Variants in WWOX observed in about 807,000 individuals in gnomAD.
The protein encoded by WWOX is WW domain-containing oxidoreductase.
WWOX carries 69 observed loss-of-function variants against 46.2 expected under a neutral mutation model. That is an observed-to-expected ratio of 1.49 (90% CI 1.23 to 1.82). The LOEUF (loss-of-function observed/expected upper bound fraction) is 1.82. WWOX is among the 40% of genes most tolerant of loss of function. WWOX has a pLI of 0.00. For synonymous variants in WWOX, 359 were observed against 202.6 expected, an observed-to-expected ratio of 1.77 and a Z score of -6.56; for missense variants, 919 against 542.6, an observed-to-expected ratio of 1.69 and a Z score of -6.89.
rs370326951 is a variant in WWOX, at chr16:78,645,367, C to G, written c.1056+212615C>G. 1.6e-4 allele frequency among the ~76,000 whole-genome samples: 24 copies of G among 152,258 alleles called. No homozygotes were observed. In the South Asian group the frequency reaches 3.9e-3, roughly 25 times the overall value. On this transcript the variant is annotated intron_variant, in intron 8 of 8. Coordinates refer to ENST00000566780, the MANE Select transcript of WWOX (RefSeq NM_016373.4). ...GGCTTACATACCATGAATGTCTTCT[C>G]TTACCATTCTGGAGGTCAAAAGTCC...
chr16:78,791,630 C>T (rs1223171168), intron 8 of WWOX, among the ~76,000 whole-genome samples: 10 of 152,084 alleles, frequency 6.6e-5, no homozygotes, highest in Non-Finnish European at 1.5e-5. Flanking sequence ...GTAATCCCAG[C>T]ACTTTGGGAT....
intron 8 of WWOX, among the ~76,000 whole-genome samples, chr16:78,647,273 T>C (rs1158918468): frequency 6.6e-6 from 1 of 152,074 alleles, no homozygotes; most frequent in East Asian, 1.9e-4. Flanking sequence ...GAAATCCAAA[T>C]GCTTTACAGG....
chr16:79,196,787 T>C (rs2051249624), intron 8 of WWOX, among the ~76,000 whole-genome samples: 1 of 152,120 alleles, frequency 6.6e-6, no homozygotes, highest in African/African-American at 2.4e-5. Flanking sequence ...AGAGATGTTC[T>C]ATTTTCAAGG....
intron 8 of WWOX, among the ~76,000 whole-genome samples, chr16:78,928,976 C>T (rs1354303072): frequency 1.3e-5 from 2 of 152,170 alleles, no homozygotes; most frequent in African/African-American, 4.8e-5. Context: ...TGTATGCATG[C>T]ATATAAATGT....
At chr16:79,106,420 T>C (rs1407154832) in intron 8 of WWOX, among the ~76,000 whole-genome samples, 1 of 152,078 alleles carries the variant, frequency 6.6e-6, no homozygotes, top group Non-Finnish European at 1.5e-5. Flanking sequence ...TAAATTCTAC[T>C]GACTTAATCA....
At chr16:78,668,584 T>A (rs1246892666) in intron 8 of WWOX, among the ~76,000 whole-genome samples, 1 of 151,698 alleles carries the variant, frequency 6.6e-6, no homozygotes. Context: ...CCAAGAGAGG[T>A]AGGTGAGAGA....
Position 78,676,420 on chromosome 16 carries a change from T to A in WWOX, c.1056+243668T>A, listed in dbSNP as rs63084963. 5.8e-3 allele frequency among the ~76,000 whole-genome samples: 854 copies of A among 147,188 alleles called. 3 individuals are homozygous for A. Among genetic ancestry groups the A allele is most frequent in the African/African-American group, 0.021 (811 of 38,060 alleles). On this transcript the variant is annotated intron_variant, in intron 8 of 8. Coordinates refer to ENST00000566780, the MANE Select transcript of WWOX (RefSeq NM_016373.4). ...TATTTACTATTTTTTTTTTTTTTTT[T>A]AACTCTGGGAGTTCCTGTTGCAGAA...
intron 8 of WWOX, among the ~76,000 whole-genome samples, chr16:78,494,791 T>G (rs1003100732): frequency 1.1e-4 from 16 of 152,184 alleles, no homozygotes; most frequent in Non-Finnish European, 5.9e-5. Context: ...ATGGTATGGC[T>G]TTTCCTGTAA....
intron 8 of WWOX, among the ~76,000 whole-genome samples, chr16:78,589,740 C>T (rs1389791129): frequency 6.6e-6 from 1 of 152,172 alleles, no homozygotes; most frequent in Non-Finnish European, 1.5e-5. Flanking sequence ...CGACTGTTTA[C>T]CTTCTTTTGG....
At chr16:78,915,109 C>T (rs559058716) in intron 8 of WWOX, among the ~76,000 whole-genome samples, 8 of 152,228 alleles carry the variant, frequency 5.3e-5, no homozygotes, top group African/African-American at 1.9e-4. Flanking sequence ...AAATGGAGAT[C>T]AAGTGGCAGC....
In WWOX at chr16:79,137,109, G is replaced by A. The variant is rs536761705; in HGVS notation, c.1057-74499G>A. Among the ~76,000 whole-genome samples the A allele has an allele frequency of 1.5e-4, 23 of 152,244 alleles. 1 individual carries two copies. Among genetic ancestry groups the A allele is most frequent in the Admixed American group, 3.3e-4 (5 of 15,292 alleles). On this transcript the variant is annotated intron_variant, in intron 8 of 8. Transcript: ENST00000566780. ...GTTTCATTAATATGAATATTCTCAC[G>A]CTTCCAGAAGGAAATTCTTGGAATG...
At chr16:78,669,865 A>G (rs2047419366) in intron 8 of WWOX, among the ~76,000 whole-genome samples, 1 of 152,218 alleles carries the variant, frequency 6.6e-6, no homozygotes, top group Non-Finnish European at 1.5e-5. Flanking sequence ...AAGGAAAAAT[A>G]AAGTTTCTCT....
intron 5 of WWOX, among the ~76,000 whole-genome samples, chr16:78,217,459 C>T (rs1040127772): frequency 5.3e-5 from 8 of 152,230 alleles, no homozygotes; most frequent in South Asian, 2.1e-4. Context: ...GCCAAATAAT[C>T]GTATGAAGTG....
chr16:78,180,646 G>A (rs773535693), intron 5 of WWOX, among the ~76,000 whole-genome samples: 3 of 152,042 alleles, frequency 2.0e-5, no homozygotes, highest in Admixed American at 6.6e-5. Context: ...TAGGGCTAGT[G>A]GGTAAACCCA....
At position 78,508,310 on chromosome 16, in the gene WWOX, C is replaced by CTTTTT. The variant is rs60281450; in HGVS notation, c.1056+75584_1056+75588dup. Among the ~76,000 whole-genome samples the CTTTTT allele has an allele frequency of 6.0e-3, 677 of 112,652 alleles. 58 individuals are homozygous for CTTTTT. The highest frequency in any genetic ancestry group is 0.012 in the African/African-American group (272 of 23,362). The allele number at this position is 112,652 out of a possible 152,430, so 73.9% of individuals were successfully genotyped here. On this transcript the variant is annotated intron_variant, in intron 8 of 8. Coordinates refer to ENST00000566780, the MANE Select transcript of WWOX (RefSeq NM_016373.4). ...ATAGGCGTGAGCCACTGCGCCCGGCCTTTTTTTTTTTTTTTTTTTTTTTTT... is the reference window on the plus strand; with the variant it reads ...ATAGGCGTGAGCCACTGCGCCCGGCCTTTTTTTTTTTTTTTTTTTTTTTTTTTTTT...
intron 8 of WWOX, chr16:78,899,592 G>C (rs1219998247): frequency 2.0e-5 from 3 of 152,092 alleles, no homozygotes; most frequent in African/African-American, 4.8e-5. Context: ...CTGAACAACG[G>C]GAACATTGGC....
intron 8 of WWOX, among the ~76,000 whole-genome samples, chr16:78,444,956 C>T (rs1316653966): frequency 2.0e-5 from 3 of 152,280 alleles, no homozygotes; most frequent in African/African-American, 2.4e-5. Flanking sequence ...GCCTAGAAAA[C>T]CCTACAGGTA....
At chr16:78,251,408 G>T (rs35391857) in intron 5 of WWOX, among the ~76,000 whole-genome samples, 7,472 of 152,120 alleles carry the variant, frequency 0.049, 376 homozygotes, top group East Asian at 0.26. Flanking sequence ...TGCCATTTCT[G>T]CAACCCTTAT....
At chr16:78,414,639 A>T (rs1416369842) in intron 6 of WWOX, among the ~76,000 whole-genome samples, 1 of 152,222 alleles carries the variant, frequency 6.6e-6, no homozygotes, top group Non-Finnish European at 1.5e-5. Context: ...TACAACAGTG[A>T]TGTTATCTGC....
Sources: allele counts gnomAD v4.1 joint callset (sites outside exome capture counted in the v4.1 genomes callset), GRCh38; gene constraint gnomAD v4.1.1; transcripts MANE v1.5; gene names NCBI Gene and HGNC (gene_info 2026-07-23, HGNC 2026-07-21).